Variants in LRP12 observed in about 807,000 individuals in gnomAD.
LRP12 encodes low-density lipoprotein receptor-related protein 12.
LRP12 carries 14 observed loss-of-function variants against 66.0 expected under a neutral mutation model. The observed-to-expected ratio is 0.21, with a 90% CI of 0.14 to 0.33. LRP12 has a LOEUF of 0.33. Among genes scored for constraint, LRP12 ranks in the 10% least tolerant of loss-of-function variants. The pLI is 1.00. For missense variants in LRP12, 889 were observed against 1,053.4 expected, an observed-to-expected ratio of 0.84 and a Z score of 2.16; for synonymous variants, 357 against 359.1, an observed-to-expected ratio of 0.99 and a Z score of 0.07.
At chr8:104,544,313 CAT>C (rs780805294) in intron 1 of LRP12, among the ~76,000 whole-genome samples, 9 of 152,152 alleles carry the variant, frequency 5.9e-5, no homozygotes, top group Non-Finnish European at 1.2e-4. Flanking sequence ...CTCTACATAA[CAT>C]AAAAGTGCAA....
chr8:104,548,338 AATATATAAAT>A (rs1564142194), intron 1 of LRP12, among the ~76,000 whole-genome samples: 6 of 8,760 alleles, frequency 6.8e-4, no homozygotes, highest in Admixed American at 5.6e-3. Context: ...ATATTATATA[AATATATAAAT>A]ATATAATATA....
chr8:104,589,155 G>A lies in LRP12; in HGVS notation c.-258C>T. 2 of 177,276 alleles carry A rather than the reference G, an allele frequency of 1.1e-5. 1 individual carries two copies. 11.0% of individuals were successfully genotyped at this position (177,276 alleles called of 1,614,324 possible). ...CCCACGCGGGGCGGCCCTCCTGGGG[G>A]CAAGGGCAAGGAGCTCGCGCGCCAG... On this transcript the variant is annotated 5_prime_UTR_variant, in exon 1 of 7. Transcript: ENST00000276654.
chr8:104,542,480 A>G (rs1349561881), intron 1 of LRP12, among the ~76,000 whole-genome samples: 1 of 152,156 alleles, frequency 6.6e-6, no homozygotes, highest in Non-Finnish European at 1.5e-5. Context: ...TGCCCTTTGA[A>G]GCACAAGTGT....
At chr8:104,549,244 C>G (rs1465805246) in intron 1 of LRP12, among the ~76,000 whole-genome samples, 1 of 152,048 alleles carries the variant, frequency 6.6e-6, no homozygotes, top group African/African-American at 2.4e-5. Flanking sequence ...AAAGAAGAAT[C>G]TATACTGATT....
intron 1 of LRP12, among the ~76,000 whole-genome samples, chr8:104,568,179 G>A (rs965135648): frequency 7.2e-5 from 11 of 151,956 alleles, no homozygotes; most frequent in African/African-American, 2.2e-4. Context: ...GAGAAAGACT[G>A]GTTTTTTCAA....
Position 104,514,576 on chromosome 8 carries a change from G to A in LRP12, c.137-5502C>T, listed in dbSNP as rs991047222. Among the ~76,000 whole-genome samples, 30 of 150,224 alleles carry A rather than the reference G, an allele frequency of 2.0e-4. 1 individual carries two copies. The highest frequency in any genetic ancestry group is 6.3e-4 in the African/African-American group (26 of 40,946). ...AAAAAAAAAAAAAAATTAGCCAGGC[G>A]TGGTGGTGCGCACCTGTAGTCCCAG... On this transcript the variant is annotated intron_variant, in intron 2 of 6. Transcript: ENST00000276654.
intron 1 of LRP12, among the ~76,000 whole-genome samples, chr8:104,558,582 C>T (rs973302856): frequency 2.0e-5 from 3 of 152,040 alleles, no homozygotes; most frequent in Admixed American, 1.3e-4. Flanking sequence ...AAAGCAAATG[C>T]CACAAAAACA....
At chr8:104,579,144 C>A in intron 1 of LRP12, among the ~76,000 whole-genome samples, 1 of 152,016 alleles carries the variant, frequency 6.6e-6, no homozygotes, top group East Asian at 1.9e-4. Flanking sequence ...TCAAATTATC[C>A]CTGTTTGCAA....
intron 1 of LRP12, among the ~76,000 whole-genome samples, chr8:104,581,090 A>G (rs1314676979): frequency 1.3e-5 from 2 of 152,254 alleles, no homozygotes; most frequent in Admixed American, 1.3e-4. Context: ...ATACCATAGA[A>G]TACTATGTAG....
Position 104,495,170 on chromosome 8 carries a change from C to T in LRP12, c.1620G>A (p.Leu540=), listed in dbSNP as rs773601387. 25 of 1,613,656 alleles carry T rather than the reference C, an allele frequency of 1.5e-5. No individual in the cohort carries two copies. The highest frequency in any genetic ancestry group is 1.7e-6 in the Non-Finnish European group (2 of 1,179,812). ...ETQLSRVEAE[L]LRREAPPSYG... ...ACGAGGGAGGAGCTTCTCTTCTTAACAATTCTGCTTCCACTCTTGACAACT... is the reference window on the plus strand; with the variant it reads ...ACGAGGGAGGAGCTTCTCTTCTTAATAATTCTGCTTCCACTCTTGACAACT... The change falls in exon 6 of 7, where the codon TTG becomes TTA. Residue 540 remains leucine (L), a synonymous_variant. Transcript: ENST00000276654.
At chr8:104,515,836 T>C (rs536536313) in intron 2 of LRP12, among the ~76,000 whole-genome samples, 2 of 152,338 alleles carry the variant, frequency 1.3e-5, no homozygotes, top group East Asian at 1.9e-4. Flanking sequence ...ATGCCAACAC[T>C]TCTCTCAGAA....
chr8:104,571,178 G>A (rs1812075379), intron 1 of LRP12, among the ~76,000 whole-genome samples: 1 of 152,138 alleles, frequency 6.6e-6, no homozygotes, highest in Non-Finnish European at 1.5e-5. Context: ...AGTTAAGCAT[G>A]TATGTGTAAC....
intron 2 of LRP12, among the ~76,000 whole-genome samples, chr8:104,530,466 G>T (rs1002953342): frequency 6.6e-6 from 1 of 152,156 alleles, no homozygotes; most frequent in Non-Finnish European, 1.5e-5. Flanking sequence ...GGCCATGTGA[G>T]GACACAATGA....
chr8:104,551,125 A>G (rs1811718405), intron 1 of LRP12, among the ~76,000 whole-genome samples: 1 of 152,160 alleles, frequency 6.6e-6, no homozygotes, highest in African/African-American at 2.4e-5. Context: ...CTACTAAAAT[A>G]CATACAGTTT....
At chr8:104,508,805 T>C in intron 3 of LRP12, 134 bp downstream of exon 3, 3 of 719,434 alleles carry the variant, frequency 4.2e-6, no homozygotes, top group Admixed American at 2.9e-5. Context: ...ATGACACCAA[T>C]AGCTAATAGC....
intron 1 of LRP12, among the ~76,000 whole-genome samples, chr8:104,563,718 T>C (rs571822649): frequency 1.3e-5 from 2 of 152,198 alleles, no homozygotes; most frequent in African/African-American, 4.8e-5. Context: ...CTAGCCTCTT[T>C]TGCCATGTGA....
At chr8:104,494,023 T>C (rs1222904695) in intron 6 of LRP12, among the ~76,000 whole-genome samples, 3 of 152,210 alleles carry the variant, frequency 2.0e-5, no homozygotes, top group Non-Finnish European at 4.4e-5. Flanking sequence ...GGGAACTCCT[T>C]GAATTTGCAA....
intron 1 of LRP12, among the ~76,000 whole-genome samples, chr8:104,537,225 T>A (rs567572623): frequency 6.6e-6 from 1 of 151,942 alleles, no homozygotes; most frequent in Non-Finnish European, 1.5e-5. Context: ...AGCAGGGAGA[T>A]CTTGCTAAGC....
At chr8:104,531,496 A>G (rs1425085738) in intron 2 of LRP12, among the ~76,000 whole-genome samples, 1 of 152,126 alleles carries the variant, frequency 6.6e-6, no homozygotes, top group African/African-American at 2.4e-5. Context: ...CAAATACAAT[A>G]GTTATATGTA....
Sources: gnomAD v4.1 joint callset for allele counts (sites outside exome capture counted in the v4.1 genomes callset) on GRCh38, gnomAD v4.1.1 for gene constraint, MANE v1.5 for transcripts, NCBI Gene and HGNC (gene_info 2026-07-23, HGNC 2026-07-21) for gene names.